CACNA2D3: variants seen among roughly 807,000 people sequenced by gnomAD.
CACNA2D3 encodes calcium voltage-gated channel auxiliary subunit alpha2delta 3.
In CACNA2D3, 60 loss-of-function variants were observed where a neutral mutation model predicts 160.6. The ratio of observed to expected loss-of-function variants is 0.37; its 90% CI spans 0.30 to 0.46. The LOEUF is 0.46. Among genes scored for constraint, CACNA2D3 ranks in the 20% least tolerant of loss-of-function variants. The probability of loss-of-function intolerance (pLI) is 1.00; values close to 1 mark genes in which losing one functional copy is unlikely to be tolerated. For missense variants in CACNA2D3, 1,205 were observed against 1,365.0 expected (o/e 0.88, Z 1.85); for synonymous variants, 558 against 492.9 (o/e 1.13, Z -1.75).
intron 2 of CACNA2D3, among the ~76,000 whole-genome samples, chr3:54,306,472 A>G (rs543786182): frequency 1.3e-5 from 2 of 152,352 alleles, no homozygotes; most frequent in African/African-American, 4.8e-5. Context: ...ATGACTACCA[A>G]CCTAAAATGT....
At chr3:55,012,300 G>T (rs978453394) in intron 34 of CACNA2D3, among the ~76,000 whole-genome samples, 2 of 152,106 alleles carry the variant, frequency 1.3e-5, no homozygotes, top group Admixed American at 1.3e-4. Context: ...TTGGGTGGTG[G>T]TGGTTTTTTT....
intron 27 of CACNA2D3, among the ~76,000 whole-genome samples, chr3:54,935,414 G>A (rs1288876248): frequency 3.9e-5 from 6 of 152,164 alleles, no homozygotes; most frequent in Admixed American, 2.0e-4. Context: ...GAGCTCATGC[G>A]GCTGGTGGAA....
chr3:54,906,197 G>C (rs1700444557), intron 27 of CACNA2D3, among the ~76,000 whole-genome samples: 1 of 151,780 alleles, frequency 6.6e-6, no homozygotes, highest in African/African-American at 2.4e-5. Flanking sequence ...GCAGGAATGA[G>C]AGACAGGAAG....
intron 35 of CACNA2D3, among the ~76,000 whole-genome samples, chr3:55,027,001 A>G (rs1286839453): frequency 6.6e-6 from 1 of 152,142 alleles, no homozygotes; most frequent in Non-Finnish European, 1.5e-5. Context: ...GCACACACAC[A>G]CACACGCACA....
intron 2 of CACNA2D3, among the ~76,000 whole-genome samples, chr3:54,314,960 C>T (rs889565189): frequency 2.0e-5 from 3 of 152,108 alleles, no homozygotes; most frequent in African/African-American, 7.2e-5. Context: ...ACTTTCTTAA[C>T]TCCTTTTCCC....
At chr3:54,814,225 T>C (rs1476577397) in intron 13 of CACNA2D3, among the ~76,000 whole-genome samples, 1 of 152,316 alleles carries the variant, frequency 6.6e-6, no homozygotes, top group Non-Finnish European at 1.5e-5. Flanking sequence ...CTTCTCAACA[T>C]AGCCCTTCAT....
chr3:54,584,956 A>C (rs147722162), intron 9 of CACNA2D3, among the ~76,000 whole-genome samples: 1 of 152,244 alleles, frequency 6.6e-6, no homozygotes. Flanking sequence ...AAATAAAGGC[A>C]TTCTCAATGG....
intron 2 of CACNA2D3, among the ~76,000 whole-genome samples, chr3:54,257,195 T>G (rs1702313421): frequency 6.6e-6 from 1 of 152,240 alleles, no homozygotes; most frequent in Non-Finnish European, 1.5e-5. Flanking sequence ...CTTTGATCAA[T>G]ATCATAATTA....
At chr3:54,638,684 GGACTGATGT>G (rs1446119928) in intron 10 of CACNA2D3, 1 of 151,870 alleles carries the variant, frequency 6.6e-6, no homozygotes, top group Non-Finnish European at 1.5e-5. Context: ...GACTAGGAAG[GGACTGATGT>G]GTAAAAGAAT....
At chr3:55,037,715 A>T (rs3773543) in intron 35 of CACNA2D3, among the ~76,000 whole-genome samples, 1 of 152,024 alleles carries the variant, frequency 6.6e-6, no homozygotes. Flanking sequence ...TGTATGTTTT[A>T]TTTCTTTTTA....
intron 2 of CACNA2D3, among the ~76,000 whole-genome samples, chr3:54,173,594 A>C (rs774264837): frequency 7.2e-5 from 11 of 152,200 alleles, no homozygotes; most frequent in Non-Finnish European, 1.2e-4. Context: ...CAGTCTCCCC[A>C]TCTGAGAACA....
chr3:54,924,712 T>G (rs780200127), intron 27 of CACNA2D3: 7 of 1,614,044 alleles, frequency 4.3e-6, no homozygotes, highest in Non-Finnish European at 5.9e-6. Flanking sequence ...AGCCTCACAC[T>G]GGGCATGGAT....
intron 4 of CACNA2D3, among the ~76,000 whole-genome samples, chr3:54,459,007 G>T (rs1035730496): frequency 6.6e-6 from 1 of 152,032 alleles, no homozygotes; most frequent in Non-Finnish European, 1.5e-5. Context: ...CCACCTATGA[G>T]TGAGAACATG....
intron 20 of CACNA2D3, among the ~76,000 whole-genome samples, chr3:54,879,775 A>G (rs1016212006): frequency 2.0e-5 from 3 of 152,210 alleles, no homozygotes; most frequent in African/African-American, 7.2e-5. Flanking sequence ...GACCAAAAAA[A>G]CAATCCTTCA....
At chr3:54,981,006 T>C (rs1222875570) in intron 29 of CACNA2D3, among the ~76,000 whole-genome samples, 1 of 152,246 alleles carries the variant, frequency 6.6e-6, no homozygotes, top group Non-Finnish European at 1.5e-5. Flanking sequence ...AAAGCTCTTT[T>C]ATATTACACA....
chr3:54,541,784 C>T (rs900869749), intron 5 of CACNA2D3, among the ~76,000 whole-genome samples: 1 of 152,056 alleles, frequency 6.6e-6, no homozygotes, highest in Non-Finnish European at 1.5e-5. Context: ...AATGTGTAGT[C>T]CTGGATTGAA....
rs183615874 is a variant in CACNA2D3, at chr3:54,856,948, C to G, written c.1626+10481C>G. ...GGCACCTGCCACTATGCTCTGATGA[C>G]TTTTTGTGTTTTAGTAGAAACAGGG... is the stretch of plus-strand genomic sequence containing the variant. On this transcript the variant is annotated intron_variant, in intron 17 of 37. Coordinates refer to ENST00000474759, the MANE Select transcript of CACNA2D3 (RefSeq NM_018398.3). Among the ~76,000 whole-genome samples, 39 of 152,216 alleles carry G rather than the reference C, an allele frequency of 2.6e-4. No individual in the cohort carries two copies. The East Asian group carries it at 5.4e-3, about 21-fold the overall frequency.
chr3:54,938,107 A>C (rs1443281552), intron 27 of CACNA2D3, among the ~76,000 whole-genome samples: 1 of 152,160 alleles, frequency 6.6e-6, no homozygotes, highest in Non-Finnish European at 1.5e-5. Flanking sequence ...GTTGTGGGCA[A>C]ATCCTTTCTG....
At chr3:54,837,342 T>G in intron 15 of CACNA2D3, 112 bp downstream of exon 15, 1 of 827,730 alleles carries the variant, frequency 1.2e-6, no homozygotes, top group Non-Finnish European at 2.0e-6. Flanking sequence ...TGTATGTCAT[T>G]TTTCCTTATT....
Sources: allele counts gnomAD v4.1 joint callset (sites outside exome capture counted in the v4.1 genomes callset), GRCh38; gene constraint gnomAD v4.1.1; transcripts MANE v1.5; gene names NCBI Gene and HGNC (gene_info 2026-07-23, HGNC 2026-07-21).